The following ABCA7 variants were observed in gnomAD, a reference collection of about 807,000 sequenced individuals.
The protein encoded by ABCA7 is ATP binding cassette subfamily A member 7, also known as phospholipid-transporting ATPase ABCA7.
A neutral mutation model predicts 227.6 loss-of-function variants in ABCA7; 261 were observed. The observed-to-expected ratio is 1.15, with a 90% CI of 1.04 to 1.27. The LOEUF (loss-of-function observed/expected upper bound fraction) is 1.27, where lower values mean the gene tolerates loss of function less well. Among genes scored for constraint, ABCA7 ranks in the 50% most tolerant of loss-of-function variants. The pLI is 0.00. For synonymous variants in ABCA7, 1,488 were observed against 1,279.7 expected (o/e 1.16, Z -3.47); for missense variants, 3,331 against 2,924.5 (o/e 1.14, Z -3.21).
chr19:1,063,416 C>G, intron 42 of ABCA7, 128 bp from the exon 43 acceptor site: 2 of 1,336,390 alleles, frequency 1.5e-6, no homozygotes, highest in South Asian at 2.7e-5. Context: ...ATGTCCCATT[C>G]TCACATTTGC....
intron 1 of ABCA7, among the ~76,000 whole-genome samples, chr19:1,040,697 C>T (rs947245831): frequency 6.6e-5 from 10 of 152,172 alleles, no homozygotes; most frequent in Non-Finnish European, 5.9e-5. Flanking sequence ...GACTCTTTCT[C>T]TGGCTCCCGC....
At chr19:1,055,381 T>G in intron 30 of ABCA7, 30 bp downstream of exon 30, 1 of 1,536,830 alleles carries the variant, frequency 6.5e-7, no homozygotes, top group South Asian at 1.2e-5. Flanking sequence ...TCAGTTTCCC[T>G]GGCTATAGCA....
intron 11 of ABCA7, 86 bp downstream of exon 11, chr19:1,044,830 A>G: frequency 2.0e-6 from 3 of 1,489,012 alleles, no homozygotes; most frequent in Non-Finnish European, 9.0e-7. Context: ...TCCCAGGGGG[A>G]GGCGGGCCCG....
chr19:1,063,790 G>T lies in ABCA7; in HGVS notation c.5878G>T (p.Ala1960Ser). Residue 1960 changes from alanine to serine, a missense_variant, in exon 44 of 47, where the codon GCG (alanine) becomes TCG (serine). Physicochemically the swap from Ala to Ser is moderately conservative, Grantham distance 99 (BLOSUM62 1). Coordinates refer to ENST00000263094, the MANE Select transcript of ABCA7 (RefSeq NM_019112.4). ...DEPTTGMDPS[A>S]RRFLWNSLLA... ...GCCGACCACAGGCATGGACCCCAGC[G>T]CGCGGCGCTTCCTTTGGAACAGCCT... 6.5e-7 allele frequency: 1 copy of T among 1,547,008 alleles called. No individual in the cohort carries two copies.
intron 25 of ABCA7, 81 bp downstream of exon 25, chr19:1,053,917 C>T (rs2042008105): frequency 4.4e-6 from 7 of 1,594,416 alleles, no homozygotes; most frequent in Non-Finnish European, 6.0e-6. Flanking sequence ...CTTAGTGTGG[C>T]CCAAGGCATA....
At chr19:1,041,469 C>T (rs1382270115) in intron 2 of ABCA7, 41 bp from the exon 3 acceptor site, 2 of 1,613,284 alleles carry the variant, frequency 1.2e-6, no homozygotes, top group East Asian at 2.2e-5. Flanking sequence ...GGGCAGGCAG[C>T]CCCCACTGTC....
chr19:1,060,208 T>TATATATATATATATATATATATATATATA (rs1555699222), intron 40 of ABCA7, among the ~76,000 whole-genome samples: 19 of 118,734 alleles, frequency 1.6e-4, no homozygotes, highest in African/African-American at 6.5e-4. Context: ...TATATATATA[T>TATATATATATATATATATATATATATATA]TTTTTTTTCT....
At chr19:1,050,200 C>A in intron 18 of ABCA7, among the ~76,000 whole-genome samples, 1 of 150,100 alleles carries the variant, frequency 6.7e-6, no homozygotes. Context: ...TGCCTGAGGT[C>A]AGAGTTTGAG....
Position 1,063,837 on chromosome 19 carries a change from C to T in ABCA7, c.5925C>T (p.Gly1975=). ...GCCTTTTGGCCGTGGTGCGGGAGGG[C>T]CGTTCAGTGATGCTCACCTCCCATA... The part of the protein sequence containing the change: ...WNSLLAVVRE[G]RSVMLTSHSM... The change falls in exon 44 of 47, where the codon GGC becomes GGT. Residue 1975 remains glycine (G), a synonymous_variant. Transcript: ENST00000263094. 2 of 1,541,280 alleles carry T rather than the reference C, an allele frequency of 1.3e-6. No individual in the cohort carries two copies. Among genetic ancestry groups the T allele is most frequent in the South Asian group, 1.2e-5 (1 of 83,976 alleles).
At chr19:1,051,733 G>T in intron 21 of ABCA7, 147 bp downstream of exon 21, 1 of 1,047,514 alleles carries the variant, frequency 9.5e-7, no homozygotes, top group Non-Finnish European at 1.4e-6. Flanking sequence ...CTCAAATACC[G>T]AGACAGTAAG....
In ABCA7 at chr19:1,055,960, G is replaced by A. The variant is rs141025703; in HGVS notation, c.4238+21G>A. 5.4e-5 allele frequency: 86 copies of A among 1,580,838 alleles called. No homozygotes were observed. The East Asian group carries it at 1.6e-3, about 30-fold the overall frequency. On this transcript the variant is annotated intron_variant, in intron 31 of 46. Coordinates refer to ENST00000263094, the MANE Select transcript of ABCA7 (RefSeq NM_019112.4). ...GTCAGGTGAGGAGGGGTCTAGCTTG[G>A]GGTCCCCTGCCCCAGTTCCACTCCC... is the stretch of plus-strand genomic sequence containing the variant.
intron 1 of ABCA7, among the ~76,000 whole-genome samples, chr19:1,040,508 G>T (rs2039917280): frequency 6.6e-6 from 1 of 152,134 alleles, no homozygotes; most frequent in South Asian, 2.1e-4. Context: ...TGATGTAAAG[G>T]AAAGAACCCT....
intron 40 of ABCA7, 52 bp from the exon 41 acceptor site, chr19:1,061,730 C>T (rs1051822268): frequency 2.4e-5 from 37 of 1,522,026 alleles, no homozygotes; most frequent in South Asian, 2.1e-4. Flanking sequence ...TCAGAGATGC[C>T]GGAACCAGGG....
chr19:1,045,245 G>T lies in ABCA7; in HGVS notation c.1445+14G>T. 6.3e-7 allele frequency: 1 copy of T among 1,598,620 alleles called. No homozygotes were observed. Among genetic ancestry groups the T allele is most frequent in the South Asian group, 1.1e-5 (1 of 90,770 alleles). ...GATCAGGGACAGGTCAGGCGAGGGAGGGGGCGGGGGGATGAGGGACTGGGC... is the reference window on the plus strand; with the variant it reads ...GATCAGGGACAGGTCAGGCGAGGGATGGGGCGGGGGGATGAGGGACTGGGC... On this transcript the variant is annotated intron_variant, in intron 12 of 46. Transcript: ENST00000263094.
Position 1,044,903 on chromosome 19 carries a change from G to A in ABCA7, c.1216-99G>A, listed in dbSNP as rs1321113897. ...AGGGAGCCGGCCGTGGGCCTACGAG[G>A]GGAAAACATGGCCCAGCCCCGAGGT... On this transcript the variant is annotated intron_variant, in intron 11 of 46. Coordinates refer to ENST00000263094, the MANE Select transcript of ABCA7 (RefSeq NM_019112.4). 7.9e-6 allele frequency: 12 copies of A among 1,519,282 alleles called. No homozygotes were observed. The Admixed American group carries it at 2.0e-4, about 25-fold the overall frequency. The allele number at this position is 1,519,282 out of a possible 1,614,324, so 94.1% of individuals were successfully genotyped here. A position where few individuals can be genotyped will look rare whatever the true frequency, so the allele number is the denominator to read the frequency against.
intron 40 of ABCA7, among the ~76,000 whole-genome samples, chr19:1,060,337 G>A (rs922929467): frequency 3.3e-5 from 5 of 151,434 alleles, no homozygotes; most frequent in East Asian, 1.9e-4. Flanking sequence ...TCAGCCTCCC[G>A]AGTAGCTGGG....
intron 12 of ABCA7, 44 bp downstream of exon 12, chr19:1,045,275 C>T (rs746633708): frequency 3.0e-5 from 46 of 1,526,940 alleles, no homozygotes; most frequent in Middle Eastern, 2.0e-4. Flanking sequence ...CTGGGCGGGG[C>T]CAAGAGCGTG....
rs113052602 is a variant in ABCA7 at position 1,052,134 on chromosome 19, C to T, written c.3147+8C>T. On this transcript the variant is annotated splice_region_variant and intron_variant, in intron 22 of 46. Transcript: ENST00000263094. ...CTGACCACCAATGAGAAGGTGGGGA[C>T]CGGCCTTCTCCTGACCCCTGACCCC... The T allele has an allele frequency of 1.9e-6, 3 of 1,611,640 alleles. No individual in the cohort carries two copies. The highest frequency in any genetic ancestry group is 2.5e-6 in the Non-Finnish European group (3 of 1,179,496).
chr19:1,042,750 C>G lies in ABCA7; in HGVS notation c.503C>G (p.Ser168Cys). 1 of 1,613,256 alleles carries G rather than the reference C, an allele frequency of 6.2e-7. No individual in the cohort carries two copies. The highest frequency in any genetic ancestry group is 1.1e-5 in the South Asian group (1 of 91,082). Residue 168 changes from serine (S) to cysteine (C), a missense_variant, in exon 7 of 47, where the codon TCC becomes TGC. By Grantham distance (112) the Ser-to-Cys change is moderately radical (BLOSUM62 -1). Transcript: ENST00000263094. ...CCTTGTGGTCTTTCTCCCCAGGAATCCCTGGGGTTGGCACTGGGCCAAGCC... is the reference window on the plus strand; with the variant it reads ...CCTTGTGGTCTTTCTCCCCAGGAATGCCTGGGGTTGGCACTGGGCCAAGCC... ...ELLTSLLRTE[S>C]LGLALGQAQE...
Sources: gnomAD v4.1 joint callset for allele counts (sites outside exome capture counted in the v4.1 genomes callset) on GRCh38, gnomAD v4.1.1 for gene constraint, MANE v1.5 for transcripts, NCBI Gene and HGNC (gene_info 2026-07-23, HGNC 2026-07-21) for gene names.